The following EDDM13 variants were observed in gnomAD, a reference collection of about 807,000 sequenced individuals.
EDDM13 encodes epididymal protein 13.
Under a neutral mutation model 17.8 loss-of-function variants are expected in EDDM13, and 24 were observed. That is an observed-to-expected ratio of 1.35 (90% CI 0.98 to 1.90). The LOEUF (loss-of-function observed/expected upper bound fraction) is 1.90. Among genes scored for constraint, EDDM13 ranks in the 40% most tolerant of loss-of-function variants. EDDM13 has a pLI of 0.00. For missense variants in EDDM13, 97 were observed against 100.8 expected, an observed-to-expected ratio of 0.96 and a Z score of 0.16; for synonymous variants, 31 against 37.5, an observed-to-expected ratio of 0.83 and a Z score of 0.63.
chr19:56,303,420 G>A (rs893377415), intron 13 of EDDM13, among the ~76,000 whole-genome samples: 8 of 151,104 alleles, frequency 5.3e-5, no homozygotes, highest in Non-Finnish European at 1.0e-4. Context: ...AGAGGTTGCA[G>A]TGAGCCAAGA....
At chr19:56,290,077 C>T (rs1216022970) in intron 8 of EDDM13, among the ~76,000 whole-genome samples, 1 of 152,194 alleles carries the variant, frequency 6.6e-6, no homozygotes, top group Non-Finnish European at 1.5e-5. Flanking sequence ...CCCAAACTGG[C>T]TAATTATCTG....
intron 12 of EDDM13, chr19:56,298,289 A>C (rs1248462876): frequency 6.6e-6 from 1 of 152,200 alleles, no homozygotes; most frequent in Admixed American, 6.5e-5. Flanking sequence ...GAAAGTTTAG[A>C]TAAAACGGAC....
chr19:56,292,325 C>T (rs2039564983), intron 9 of EDDM13, among the ~76,000 whole-genome samples: 1 of 152,166 alleles, frequency 6.6e-6, no homozygotes, highest in Non-Finnish European at 1.5e-5. Context: ...GCTCTGTTGT[C>T]CAGGCTGGAG....
intron 11 of EDDM13, among the ~76,000 whole-genome samples, chr19:56,296,892 G>T (rs2039912324): frequency 1.3e-5 from 2 of 152,064 alleles, no homozygotes; most frequent in Admixed American, 6.5e-5. Flanking sequence ...CAATTATTTT[G>T]AAACAAATTT....
intron 13 of EDDM13, among the ~76,000 whole-genome samples, chr19:56,303,338 C>T (rs1377061109): frequency 2.0e-5 from 3 of 151,992 alleles, no homozygotes; most frequent in South Asian, 2.1e-4. Flanking sequence ...AATAGCCGGG[C>T]ATGGTGGCGC....
At chr19:56,299,567 C>G (rs2040097618) in intron 12 of EDDM13, among the ~76,000 whole-genome samples, 1 of 152,136 alleles carries the variant, frequency 6.6e-6, no homozygotes, top group Non-Finnish European at 1.5e-5. Context: ...CCCTCAGTAT[C>G]CTCAGGGGTT....
intron 4 of EDDM13, chr19:56,283,137 G>A (rs924256503): frequency 1.3e-5 from 2 of 152,080 alleles, no homozygotes; most frequent in Admixed American, 6.6e-5. Context: ...GTGAACTTAC[G>A]GTTGCAAAAC....
intron 6 of EDDM13, chr19:56,286,748 C>T (rs1189324221): frequency 6.6e-6 from 1 of 152,202 alleles, no homozygotes; most frequent in Non-Finnish European, 1.5e-5. Flanking sequence ...AAACCTTTCT[C>T]ACCATGTGGT....
intron 13 of EDDM13, among the ~76,000 whole-genome samples, chr19:56,302,321 CCT>C (rs879763679): frequency 0.62 from 89,382 of 144,546 alleles, 28,690 homozygotes; most frequent in African/African-American, 0.8. Context: ...TCCCTCCCTC[CCT>C]CCCCTTCCTC....
At chr19:56,288,104 G>A (rs2039260638) in intron 6 of EDDM13, among the ~76,000 whole-genome samples, 1 of 152,178 alleles carries the variant, frequency 6.6e-6, no homozygotes, top group Non-Finnish European at 1.5e-5. Flanking sequence ...AGGGAGCACA[G>A]GCCCAAATGG....
intron 13 of EDDM13, 27 bp from the exon 14 acceptor site, chr19:56,304,766 G>C: frequency 1.0e-6 from 1 of 985,092 alleles, no homozygotes; most frequent in Non-Finnish European, 1.2e-6. Context: ...TTCTTTCTCT[G>C]TTCCCAGTTC....
intron 9 of EDDM13, among the ~76,000 whole-genome samples, chr19:56,292,407 T>C (rs1376662329): frequency 2.6e-5 from 4 of 151,940 alleles, no homozygotes; most frequent in African/African-American, 9.7e-5. Flanking sequence ...GGACTACAGG[T>C]GTGCATCATC....
chr19:56,292,448 T>C (rs57724342), intron 9 of EDDM13, among the ~76,000 whole-genome samples: 8,899 of 151,590 alleles, frequency 0.059, 861 homozygotes, highest in African/African-American at 0.2. Flanking sequence ...GGTTTTTTTG[T>C]CTGTTTTTAC....
intron 9 of EDDM13, among the ~76,000 whole-genome samples, chr19:56,293,110 T>C (rs992731859): frequency 1.3e-5 from 2 of 152,212 alleles, no homozygotes; most frequent in African/African-American, 4.8e-5. Flanking sequence ...TCTATGCAGC[T>C]TGAGCCTCAG....
At chr19:56,282,581 T>TA in intron 4 of EDDM13, 82 bp downstream of exon 4, 1 of 867,140 alleles carries the variant, frequency 1.2e-6, no homozygotes, top group Non-Finnish European at 1.4e-6. Flanking sequence ...AACTTCGACT[T>TA]ACGTTTCTTC....
intron 6 of EDDM13, chr19:56,286,232 G>A (rs1478928822): frequency 6.6e-6 from 1 of 152,086 alleles, no homozygotes; most frequent in Non-Finnish European, 1.5e-5. Flanking sequence ...ATGTTGGCCA[G>A]GCTGGTCTTG....
At chr19:56,292,046 T>A (rs931296034) in intron 9 of EDDM13, among the ~76,000 whole-genome samples, 16 of 152,190 alleles carry the variant, frequency 1.1e-4, no homozygotes, top group African/African-American at 3.4e-4. Flanking sequence ...AGACTGGGCA[T>A]CCCAGTGGTG....
chr19:56,302,309 TCTCCCTCC>T (rs71976965), intron 13 of EDDM13, among the ~76,000 whole-genome samples: 5 of 144,386 alleles, frequency 3.5e-5, no homozygotes, highest in Admixed American at 6.9e-5. Flanking sequence ...TTCCCTCTTT[TCTCCCTCC>T]CTCCCTCCCC....
At chr19:56,302,830 G>A (rs898123848) in intron 13 of EDDM13, 1 of 398,726 alleles carries the variant, frequency 2.5e-6, no homozygotes, top group Admixed American at 4.4e-5. Flanking sequence ...GCTGTCTCTT[G>A]TTCTTTCTAA....
Sources: allele counts gnomAD v4.1 joint callset (sites outside exome capture counted in the v4.1 genomes callset), GRCh38; gene constraint gnomAD v4.1.1; transcripts MANE v1.5; gene names NCBI Gene and HGNC (gene_info 2026-07-23, HGNC 2026-07-21).